Variants in ARAP2 observed in about 807,000 individuals in gnomAD.
The protein encoded by ARAP2 is arf-GAP with Rho-GAP domain, ANK repeat and PH domain-containing protein 2.
A neutral mutation model predicts 194.5 loss-of-function variants in ARAP2; 148 were observed. The ratio of observed to expected loss-of-function variants is 0.76; its 90% confidence interval spans 0.67 to 0.87. The LOEUF (loss-of-function observed/expected upper bound fraction) is 0.87, where lower values mean the gene tolerates loss of function less well. Among genes scored for constraint, ARAP2 ranks in the 40% least tolerant of loss-of-function variants. ARAP2 has a pLI of 0.00. For synonymous variants in ARAP2, 695 were observed against 683.5 expected (o/e 1.02, Z -0.26); for missense variants, 2,128 against 1,989.7 (o/e 1.07, Z -1.32).
At chr4:36,122,542 C>T (rs1577968803) in intron 22 of ARAP2, among the ~76,000 whole-genome samples, 1 of 151,796 alleles carries the variant, frequency 6.6e-6, no homozygotes, top group East Asian at 1.9e-4. Flanking sequence ...TATATTCTCA[C>T]TTATAAGTGG....
intron 2 of ARAP2, among the ~76,000 whole-genome samples, chr4:36,056,261 T>C (rs569326589): frequency 3.3e-5 from 5 of 152,320 alleles, no homozygotes; most frequent in South Asian, 2.1e-4. Flanking sequence ...ATTTGTACCA[T>C]AGTAGGCACT....
chr4:36,181,391 G>C (rs772721934), intron 8 of ARAP2, among the ~76,000 whole-genome samples: 2 of 150,332 alleles, frequency 1.3e-5, no homozygotes, highest in Non-Finnish European at 2.9e-5. Context: ...TGCCAGCTTA[G>C]AGTATAAGAA....
At chr4:36,114,398 G>C (rs1458862597) in intron 25 of ARAP2, 111 bp from the exon 26 acceptor site, 8 of 706,314 alleles carry the variant, frequency 1.1e-5, no homozygotes, top group Non-Finnish European at 1.7e-5. Flanking sequence ...AATTTATTTT[G>C]AGCATGGTTA....
At chr4:36,018,879 A>G (rs1716374020) in intron 6 of ARAP2, among the ~76,000 whole-genome samples, 1 of 152,142 alleles carries the variant, frequency 6.6e-6, no homozygotes, top group Admixed American at 6.5e-5. Flanking sequence ...GTTGTCTTGA[A>G]GGTAGATAGG....
chr4:36,034,618 T>C (rs1481550811), intron 5 of ARAP2, among the ~76,000 whole-genome samples: 2 of 152,032 alleles, frequency 1.3e-5, no homozygotes, highest in Non-Finnish European at 1.5e-5. Flanking sequence ...TCTCTTCTTA[T>C]TTGCTGGATA....
At chr4:36,096,654 G>C (rs1281044416) in intron 27 of ARAP2, among the ~76,000 whole-genome samples, 3 of 152,026 alleles carry the variant, frequency 2.0e-5, no homozygotes, top group Non-Finnish European at 4.4e-5. Flanking sequence ...ACTGACCTCA[G>C]ACAGTATTTT....
At chr4:36,065,462 C>T, downstream of ARAP2, 2 of 371,140 alleles carry the variant, frequency 5.4e-6, no homozygotes, top group South Asian at 4.2e-5. Flanking sequence ...CACTATGTGG[C>T]CTTTGATGGG....
chr4:36,154,231 T>C (rs923084791), intron 15 of ARAP2, among the ~76,000 whole-genome samples: 45 of 152,108 alleles, frequency 3.0e-4, no homozygotes, highest in African/African-American at 1.0e-3. Context: ...TGTTGAGGAA[T>C]TTCCTAAATT....
intron 21 of ARAP2, 107 bp from the exon 22 acceptor site, chr4:36,125,074 G>A (rs3817165): frequency 0.35 from 225,810 of 637,996 alleles, 42,899 homozygotes; most frequent in East Asian, 0.49. Flanking sequence ...CATTTTAATA[G>A]GTGATACAAT....
chr4:36,128,714 A>C lies in ARAP2; in HGVS notation c.3459T>G (p.Asn1153Lys), dbSNP rs553165712. The C allele has an allele frequency of 3.1e-4, 497 of 1,611,364 alleles. 5 individuals are homozygous for C. The Admixed American group carries it at 8.2e-3, about 27-fold the overall frequency. The change falls in exon 21 of 33, where the codon AAT becomes AAG. Residue 1153 changes from asparagine to lysine, a missense_variant. Asn to Lys is a moderately conservative substitution (Grantham distance 94). Coordinates refer to ENST00000303965, the MANE Select transcript of ARAP2 (RefSeq NM_015230.4). ...GTTCACTTATATGCAAAGGATCACC[A>C]TTCTTTTGATAGATATATTTGCATC... Reference protein sequence around the residue: ...GLGCKYIYQKNGDPLHISELL... With the variant: ...GLGCKYIYQKKGDPLHISELL...
At chr4:36,112,349 C>T (rs1031931726) in intron 26 of ARAP2, among the ~76,000 whole-genome samples, 2 of 151,766 alleles carry the variant, frequency 1.3e-5, no homozygotes, top group African/African-American at 4.8e-5. Context: ...GATTTTTAAA[C>T]AAATTATAAG....
At chr4:36,024,917 T>C (rs1435990793) in intron 5 of ARAP2, among the ~76,000 whole-genome samples, 1 of 152,174 alleles carries the variant, frequency 6.6e-6, no homozygotes, top group Non-Finnish European at 1.5e-5. Flanking sequence ...TTGAAAGGAA[T>C]CTGTGTGCAA....
chr4:36,209,373 A>G (rs1459592683), intron 6 of ARAP2: 1 of 454,316 alleles, frequency 2.2e-6, no homozygotes, highest in Non-Finnish European at 4.4e-6. Flanking sequence ...CATAGCTGAT[A>G]GTAAGAAGTA....
At chr4:36,147,789 A>AG in intron 17 of ARAP2, 43 bp from the exon 18 acceptor site, 4 of 1,474,632 alleles carry the variant, frequency 2.7e-6, no homozygotes, top group Non-Finnish European at 3.7e-6. Context: ...CAGTGAAAAT[A>AG]GGAAATCCCT....
At chr4:36,071,614 A>G (rs1043456196) in intron 32 of ARAP2, among the ~76,000 whole-genome samples, 46 of 152,214 alleles carry the variant, frequency 3.0e-4, no homozygotes, top group African/African-American at 1.1e-3. Context: ...TTGAAAAATA[A>G]TTCTTCTTGA....
chr4:36,099,899 C>T (rs1716390909), intron 27 of ARAP2, among the ~76,000 whole-genome samples: 1 of 152,042 alleles, frequency 6.6e-6, no homozygotes, highest in Non-Finnish European at 1.5e-5. Flanking sequence ...GGAGGGAGGA[C>T]ATAATTTTTC....
At position 36,165,070 on chromosome 4, in the gene ARAP2, C is replaced by T. The variant is rs773816513; in HGVS notation, c.2017G>A (p.Ala673Thr). ...TEKEKQDWIE[A>T]VQQSIAETLS... The stretch of plus-strand genomic sequence containing the variant: ...GTTTCTGCTATTGATTGCTGCACAG[C>T]TTCAATCCAGTCTTGTTTCTCCTTT... Residue 673 changes from alanine to threonine, a missense_variant, in exon 11 of 33, where the codon GCT becomes ACT. Physicochemically the swap from Ala to Thr is moderately conservative, Grantham distance 58 (BLOSUM62 0). Coordinates refer to ENST00000303965, the MANE Select transcript of ARAP2 (RefSeq NM_015230.4). The T allele has an allele frequency of 1.2e-6, 2 of 1,614,074 alleles. No homozygotes were observed. The highest frequency in any genetic ancestry group is 2.2e-5 in the South Asian group (2 of 91,088).
At chr4:36,110,720 AAAG>A (rs906003729) in intron 26 of ARAP2, among the ~76,000 whole-genome samples, 3 of 151,962 alleles carry the variant, frequency 2.0e-5, no homozygotes, top group Non-Finnish European at 4.4e-5. Context: ...ACTACCATAT[AAAG>A]AAGAAAAGAT....
chr4:36,093,981 T>G (rs1436385826), intron 27 of ARAP2, among the ~76,000 whole-genome samples: 1 of 152,192 alleles, frequency 6.6e-6, no homozygotes, highest in African/African-American at 2.4e-5. Flanking sequence ...AACATATCAC[T>G]AGAGAAGCCC....
Sources: gnomAD v4.1 joint callset for allele counts (sites outside exome capture counted in the v4.1 genomes callset) on GRCh38, gnomAD v4.1.1 for gene constraint, MANE v1.5 for transcripts, NCBI Gene and HGNC (gene_info 2026-07-23, HGNC 2026-07-21) for gene names.